The following SKAP2 variants were observed in gnomAD, a reference collection of about 807,000 sequenced individuals.
The protein encoded by SKAP2 is src kinase associated phosphoprotein 2, also known as src kinase-associated phosphoprotein 2.
In SKAP2, 28 loss-of-function variants were observed where a neutral mutation model predicts 54.9. That is an observed-to-expected ratio of 0.51 (90% confidence interval 0.38 to 0.70). The LOEUF (loss-of-function observed/expected upper bound fraction) is 0.70. Ranked by LOEUF, SKAP2 falls within the 30% of genes least tolerant of loss-of-function variation. The pLI, the probability that SKAP2 is intolerant of heterozygous loss-of-function variation, is 0.00. For synonymous variants in SKAP2, 137 were observed against 134.3 expected, an observed-to-expected ratio of 1.02 and a Z score of -0.14; for missense variants, 356 against 424.1, an observed-to-expected ratio of 0.84 and a Z score of 1.41.
At chr7:26,813,786 A>G (rs1466004244) in intron 4 of SKAP2, among the ~76,000 whole-genome samples, 1 of 152,234 alleles carries the variant, frequency 6.6e-6, no homozygotes, top group East Asian at 1.9e-4. Flanking sequence ...AAATTGATCA[A>G]ACAGGGTAAT....
At chr7:26,698,348 G>C (rs1404784885) in intron 9 of SKAP2, among the ~76,000 whole-genome samples, 1 of 152,132 alleles carries the variant, frequency 6.6e-6, no homozygotes, top group African/African-American at 2.4e-5. Flanking sequence ...GGTCTGTGGG[G>C]TCAAAGCTAT....
chr7:26,739,984 G>GAAAAA lies in SKAP2; in HGVS notation c.308-25_308-21dup, dbSNP rs778142041. The GAAAAA allele has an allele frequency of 7.5e-7, 1 of 1,339,296 alleles. No homozygotes were observed. The highest frequency in any genetic ancestry group is 1.0e-6 in the Non-Finnish European group (1 of 990,766). 83.0% of individuals were successfully genotyped at this position (1,339,296 alleles called of 1,614,324 possible). A position where few individuals can be genotyped will look rare whatever the true frequency, so the allele number is the denominator to read the frequency against. On this transcript the variant is annotated intron_variant, in intron 4 of 12. Transcript: ENST00000345317. ...GGGCTCCTATGAGAAGTTGGGGAGA[G>GAAAAA]AAAAAAAAAAGCAGTGGGTAATCCA...
intron 7 of SKAP2, chr7:26,726,604 T>C (rs1562588897): frequency 8.4e-6 from 2 of 239,218 alleles, no homozygotes; most frequent in Non-Finnish European, 1.6e-5. Flanking sequence ...CTATGCAACA[T>C]GTGATCACCT....
At chr7:26,761,456 A>G (rs1782927035) in intron 4 of SKAP2, among the ~76,000 whole-genome samples, 2 of 152,346 alleles carry the variant, frequency 1.3e-5, no homozygotes, top group South Asian at 4.1e-4. Flanking sequence ...TGTCTTTTTC[A>G]GATACTAAGC....
rs73683570 is a variant in SKAP2, at chr7:26,853,330, C to T, written c.199+807G>A. On this transcript the variant is annotated intron_variant, in intron 3 of 12. Transcript: ENST00000345317. Reference sequence around the variant, plus strand: ...TAGCTCCATGGAGGTTAACTAACCTCATATTGTAACCCTCACACCAGCATC... The same window carrying T: ...TAGCTCCATGGAGGTTAACTAACCTTATATTGTAACCCTCACACCAGCATC... Among the ~76,000 whole-genome samples, 871 of 152,228 alleles carry T rather than the reference C, an allele frequency of 5.7e-3. 10 individuals carry two copies. Among genetic ancestry groups the T allele is most frequent in the African/African-American group, 0.019 (801 of 41,560 alleles).
intron 4 of SKAP2, among the ~76,000 whole-genome samples, chr7:26,744,205 T>C (rs1253205335): frequency 1.3e-5 from 2 of 152,170 alleles, no homozygotes; most frequent in East Asian, 1.9e-4. Flanking sequence ...GCCTGTAATA[T>C]ACTTAAGAAA....
the SKAP2 span, among the ~76,000 whole-genome samples, chr7:26,660,645 T>C: frequency 4.6e-5 from 7 of 152,152 alleles, no homozygotes; most frequent in East Asian, 7.7e-4. Flanking sequence ...TATAGTCCCA[T>C]TGTTTTCCTT....
At chr7:26,782,532 G>A (rs1260660526) in intron 4 of SKAP2, among the ~76,000 whole-genome samples, 1 of 152,100 alleles carries the variant, frequency 6.6e-6, no homozygotes, top group Non-Finnish European at 1.5e-5. Context: ...ATTAAGAGGT[G>A]GAGCCTTTGG....
At chr7:26,705,106 C>T (rs958908680) in intron 9 of SKAP2, among the ~76,000 whole-genome samples, 2 of 152,164 alleles carry the variant, frequency 1.3e-5, no homozygotes, top group African/African-American at 4.8e-5. Flanking sequence ...GGCCTAGGGT[C>T]TAGGCAGTGC....
intron 10 of SKAP2, among the ~76,000 whole-genome samples, chr7:26,686,423 A>G (rs1786641423): frequency 6.6e-6 from 1 of 152,140 alleles, no homozygotes; most frequent in African/African-American, 2.4e-5. Flanking sequence ...CTGAGCACTC[A>G]TCACGTACCT....
In SKAP2 at chr7:26,857,798, A is replaced by C. The variant is rs1785204065; in HGVS notation, c.68-2908T>G. The C allele has an allele frequency of 3.3e-6, 3 of 910,236 alleles. No individual in the cohort carries two copies. In the Admixed American group the frequency reaches 1.9e-4, roughly 56 times the overall value. 56.4% of individuals were successfully genotyped at this position (910,236 alleles called of 1,614,324 possible). ...AGCAAGCAATAAGAGTCTTGGGCGA[A>C]TCAAGTGTTCCTCTGGCTGGTTGGA... is the stretch of plus-strand genomic sequence containing the variant. On this transcript the variant is annotated intron_variant, in intron 1 of 12. Coordinates refer to ENST00000345317, the MANE Select transcript of SKAP2 (RefSeq NM_003930.5).
intron 11 of SKAP2, 50 bp downstream of exon 11, chr7:26,684,686 C>A (rs759778377): frequency 1.8e-6 from 2 of 1,131,758 alleles, no homozygotes; most frequent in African/African-American, 1.5e-5. Context: ...CATTAAAAAT[C>A]GAGCTTTGTA....
chr7:26,824,605 G>A (rs1784449925), intron 4 of SKAP2, among the ~76,000 whole-genome samples: 1 of 152,156 alleles, frequency 6.6e-6, no homozygotes, highest in African/African-American at 2.4e-5. Context: ...ATCCATCAGT[G>A]AGTTGTGTAT....
At chr7:26,823,280 G>C (rs1380482056) in intron 4 of SKAP2, among the ~76,000 whole-genome samples, 1 of 151,888 alleles carries the variant, frequency 6.6e-6, no homozygotes, top group Non-Finnish European at 1.5e-5. Context: ...ACAAAAATTA[G>C]CTGGGTGTGG....
chr7:26,719,710 A>AT (rs771810604), intron 9 of SKAP2, among the ~76,000 whole-genome samples: 10 of 152,176 alleles, frequency 6.6e-5, no homozygotes, highest in Non-Finnish European at 1.5e-4. Flanking sequence ...GATGGATAGA[A>AT]TTTCAATACT....
the SKAP2 span, among the ~76,000 whole-genome samples, chr7:26,655,663 A>G: frequency 6.6e-6 from 1 of 152,194 alleles, no homozygotes; most frequent in African/African-American, 2.4e-5. Flanking sequence ...AACACCGTAC[A>G]CTAGTTTTCC....
chr7:26,824,624 A>C (rs1784450210), intron 4 of SKAP2, among the ~76,000 whole-genome samples: 1 of 152,224 alleles, frequency 6.6e-6, no homozygotes, highest in African/African-American at 2.4e-5. Context: ...ATCTAGACCA[A>C]GGATGGACAA....
At chr7:26,855,036 T>C (rs145422694) in intron 1 of SKAP2, 146 bp from the exon 2 acceptor site, 5 of 543,508 alleles carry the variant, frequency 9.2e-6, no homozygotes, top group African/African-American at 5.7e-5. Flanking sequence ...AGCATAACAG[T>C]TGAAGTGTGT....
At position 26,788,318 on chromosome 7, in the gene SKAP2, A is replaced by C. The variant is rs577576461; in HGVS notation, c.308-48354T>G. On this transcript the variant is annotated intron_variant, in intron 4 of 12. Transcript: ENST00000345317. ...TACAACAGCTGTGCCACTGGCTGTG[A>C]TCTTAAGCCAAAGAACCTTTCTATC... Among the ~76,000 whole-genome samples the C allele has an allele frequency of 3.9e-5, 6 of 152,276 alleles. No individual in the cohort carries two copies. The East Asian group carries it at 7.7e-4, about 20-fold the overall frequency.
Sources: allele counts gnomAD v4.1 joint callset (sites outside exome capture counted in the v4.1 genomes callset), GRCh38; gene constraint gnomAD v4.1.1; transcripts MANE v1.5; gene names NCBI Gene and HGNC (gene_info 2026-07-23, HGNC 2026-07-21).